Variants in KRT73 observed in about 807,000 individuals in gnomAD.
KRT73 encodes keratin 73.
A neutral mutation model predicts 47.2 loss-of-function variants in KRT73; 44 were observed. That is an observed-to-expected ratio of 0.93 (90% CI 0.73 to 1.20). The LOEUF is 1.20. Ranked by LOEUF, KRT73 falls within the 50% of genes most tolerant of loss-of-function variation. The pLI is 0.00. For synonymous variants in KRT73, 285 were observed against 291.3 expected (o/e 0.98, Z 0.22); for missense variants, 713 against 704.5 (o/e 1.01, Z -0.14).
At chr12:52,615,402 A>G in intron 2 of KRT73, 63 bp from the exon 3 acceptor site, 2 of 1,318,858 alleles carry the variant, frequency 1.5e-6, no homozygotes, top group Non-Finnish European at 2.2e-6. Flanking sequence ...ACGTTCTCAT[A>G]GTGAAATGAG....
intron 2 of KRT73, among the ~76,000 whole-genome samples, chr12:52,615,919 T>C (rs1418970238): frequency 6.6e-6 from 1 of 152,118 alleles, no homozygotes; most frequent in African/African-American, 2.4e-5. Flanking sequence ...GCACACACAA[T>C]ACAGGCTCCC....
At chr12:52,610,550 A>ACCCCCCCCCCCCCCCCCC in intron 7 of KRT73, 65 bp downstream of exon 7, 1 of 184,828 alleles carries the variant, frequency 5.4e-6, no homozygotes. Flanking sequence ...CCCGCCCCCA[A>ACCCCCCCCCCCCCCCCCC]CCACACTCTG....
At chr12:52,629,029 G>A in the KRT73 span, among the ~76,000 whole-genome samples, 10 of 152,292 alleles carry the variant, frequency 6.6e-5, no homozygotes, top group Admixed American at 5.9e-4. Flanking sequence ...GGACCAGCAT[G>A]TGCAGGATTC....
chr12:52,615,100 A>G (rs972689677), intron 3 of KRT73, 179 bp downstream of exon 3: 2 of 578,266 alleles, frequency 3.5e-6, no homozygotes, highest in Non-Finnish European at 6.2e-6. Flanking sequence ...CAGACAAAGT[A>G]CTGTGTGCTA....
chr12:52,622,513 C>T (rs942469952), upstream of KRT73, among the ~76,000 whole-genome samples: 27 of 152,142 alleles, frequency 1.8e-4, 1 homozygote, highest in Non-Finnish European at 3.4e-4. Flanking sequence ...GAAGGAGACA[C>T]GGAACTGGAG....
chr12:52,624,822 A>C, the KRT73 span, among the ~76,000 whole-genome samples: 21 of 109,152 alleles, frequency 1.9e-4, no homozygotes, highest in East Asian at 2.7e-3. Flanking sequence ...ACAAAACAAA[A>C]AAAAAAAATA....
At chr12:52,629,642 C>G in the KRT73 span, among the ~76,000 whole-genome samples, 46 of 152,340 alleles carry the variant, frequency 3.0e-4, no homozygotes, top group Admixed American at 9.8e-4. Context: ...AATCCACCCC[C>G]ACCTATGTAG....
chr12:52,613,465 C>CTG (rs1940744130), intron 5 of KRT73: 1 of 708,388 alleles, frequency 1.4e-6, no homozygotes, highest in African/African-American at 1.8e-5. Context: ...ACACCACATT[C>CTG]ACCTGCACTC....
chr12:52,613,478 C>A, intron 5 of KRT73: 1 of 853,618 alleles, frequency 1.2e-6, no homozygotes. Flanking sequence ...CTGCACTCAG[C>A]TGAGTGCATC....
At chr12:52,625,977 T>C in the KRT73 span, among the ~76,000 whole-genome samples, 1 of 127,882 alleles carries the variant, frequency 7.8e-6, no homozygotes, top group Non-Finnish European at 1.6e-5. Context: ...GGGAACAGAT[T>C]AGTAATTGCT....
At chr12:52,622,223 T>C (rs1446512256), upstream of KRT73, among the ~76,000 whole-genome samples, 1 of 152,150 alleles carries the variant, frequency 6.6e-6, no homozygotes, top group Non-Finnish European at 1.5e-5. Context: ...ACAATAAACA[T>C]GCTTAAATGA....
the KRT73 span, among the ~76,000 whole-genome samples, chr12:52,628,358 G>A: frequency 2.0e-5 from 3 of 151,842 alleles, no homozygotes; most frequent in East Asian, 5.9e-4. Flanking sequence ...GGCCGGGCTG[G>A]CACACTTTCA....
chr12:52,628,296 A>T, the KRT73 span, among the ~76,000 whole-genome samples: 29 of 152,170 alleles, frequency 1.9e-4, no homozygotes, highest in Middle Eastern at 3.4e-3. Context: ...GCCCACCCTC[A>T]GGTTGCTCTC....
Position 52,609,186 on chromosome 12 carries a change from C to T in KRT73, c.1366+61G>A, listed in dbSNP as rs1457710802. ...CCTCAGGGGGCTGGGCGGTGGACAC[C>T]CACCCACTTTGTGTTTGTTGATGGA... On this transcript the variant is annotated intron_variant, in intron 8 of 8. Coordinates refer to ENST00000305748, the MANE Select transcript of KRT73 (RefSeq NM_175068.3). The T allele has an allele frequency of 4.7e-6, 7 of 1,484,548 alleles. No individual in the cohort carries two copies. In the East Asian group the frequency reaches 6.8e-5, roughly 14 times the overall value. The allele number at this position is 1,484,548 out of a possible 1,614,324, so 92.0% of individuals were successfully genotyped here. A position where few individuals can be genotyped will look rare whatever the true frequency, so the allele number is the denominator to read the frequency against.
At chr12:52,623,330 CA>C (rs1309998709), upstream of KRT73, among the ~76,000 whole-genome samples, 6 of 152,294 alleles carry the variant, frequency 3.9e-5, no homozygotes, top group East Asian at 1.9e-4. Context: ...GCATAGTTTT[CA>C]AGTGCTGAAA....
At chr12:52,610,529 G>GGCCCC in intron 7 of KRT73, 86 bp downstream of exon 7, 1 of 295,156 alleles carries the variant, frequency 3.4e-6, no homozygotes. Context: ...CCAGCTCGCC[G>GGCCCC]CCCCCTCCCC....
rs1297932350 is a variant in KRT73, at chr12:52,618,386, T to C, written c.139A>G (p.Ser47Gly). ...CGGGCACCCCCCAGGCTGTAAAGGC[T>C]CCGACTGCTGAAGCCTCCACTGAGC... is the stretch of plus-strand genomic sequence containing the variant. ...KGLSGGFSSR[S>G]LYSLGGARSI... Residue 47 changes from serine (S) to glycine (G), a missense_variant, in exon 1 of 9, where the codon AGC becomes GGC. By Grantham distance (56) the Ser-to-Gly change is moderately conservative. Coordinates refer to ENST00000305748, the MANE Select transcript of KRT73 (RefSeq NM_175068.3). 3.1e-6 allele frequency: 5 copies of C among 1,614,004 alleles called. No homozygotes were observed. Among genetic ancestry groups the C allele is most frequent in the Non-Finnish European group, 2.5e-6 (3 of 1,180,044 alleles).
Position 52,608,261 on chromosome 12 carries a change from C to T in KRT73, c.1558G>A (p.Glu520Lys). Residue 520 changes from glutamate (E) to lysine (K), a missense_variant, in exon 9 of 9, where the codon GAA becomes AAA. Coordinates refer to ENST00000305748, the MANE Select transcript of KRT73 (RefSeq NM_175068.3). ...EARTRLGSAS[E>K]FRDSQGKTLA... ...GTCTTTCCCTGGGAGTCCCTGAATT[C>T]ACTTGCACTCCCCAGCCTGGTCCTG... The T allele has an allele frequency of 6.2e-7, 1 of 1,613,990 alleles. No individual in the cohort carries two copies. The highest frequency in any genetic ancestry group is 8.5e-7 in the Non-Finnish European group (1 of 1,179,990).
chr12:52,619,604 C>T (rs1401978861), upstream of KRT73, among the ~76,000 whole-genome samples: 1 of 152,176 alleles, frequency 6.6e-6, no homozygotes, highest in Non-Finnish European at 1.5e-5. Context: ...TCTACTTGTT[C>T]ATTCATTTAT....
Sources: allele counts gnomAD v4.1 joint callset (sites outside exome capture counted in the v4.1 genomes callset), GRCh38; gene constraint gnomAD v4.1.1; transcripts MANE v1.5; gene names NCBI Gene and HGNC (gene_info 2026-07-23, HGNC 2026-07-21).